SAFB2: variants seen among roughly 807,000 people sequenced by gnomAD.
SAFB2 encodes the protein scaffold attachment factor B2.
SAFB2 carries 32 observed loss-of-function variants against 100.6 expected under a neutral mutation model. That is an observed-to-expected ratio of 0.32 (90% CI 0.24 to 0.43). The LOEUF is 0.43. Among genes scored for constraint, SAFB2 ranks in the 20% least tolerant of loss-of-function variants. SAFB2 has a pLI of 1.00. For synonymous variants in SAFB2, 500 were observed against 439.4 expected, an observed-to-expected ratio of 1.14 and a Z score of -1.72; for missense variants, 1,185 against 1,163.4, an observed-to-expected ratio of 1.02 and a Z score of -0.27.
chr19:5,617,408 A>G (rs1482059663), intron 2 of SAFB2, among the ~76,000 whole-genome samples: 1 of 152,222 alleles, frequency 6.6e-6, no homozygotes, highest in Non-Finnish European at 1.5e-5. Context: ...TCAAGAGTGG[A>G]AACCTTGAGA....
intron 14 of SAFB2, among the ~76,000 whole-genome samples, chr19:5,594,888 A>G (rs576964322): frequency 1.4e-4 from 22 of 152,208 alleles, no homozygotes; most frequent in African/African-American, 5.3e-4. Flanking sequence ...TCACTCTGTC[A>G]CCCAGTCTGC....
chr19:5,609,742 C>T (rs907222965), intron 9 of SAFB2, among the ~76,000 whole-genome samples: 7 of 152,180 alleles, frequency 4.6e-5, no homozygotes, highest in African/African-American at 1.7e-4. Context: ...TGCTCCGCAC[C>T]CTAGTTACTG....
At chr19:5,588,339 G>A (rs934018363) in intron 18 of SAFB2, among the ~76,000 whole-genome samples, 4 of 152,190 alleles carry the variant, frequency 2.6e-5, no homozygotes, top group African/African-American at 9.6e-5. Context: ...CTGTGGAAAA[G>A]TTTGGTGGTT....
In SAFB2 at chr19:5,587,779, G is replaced by T. The variant is rs751884670; in HGVS notation, c.2639-12C>A. 4.5e-6 allele frequency: 7 copies of T among 1,553,478 alleles called. No individual in the cohort carries two copies. The highest frequency in any genetic ancestry group is 6.1e-6 in the Non-Finnish European group (7 of 1,148,296). Reference sequence around the variant, plus strand: ...GCCCCTCTCGCCACCTAGAAGAGAAGAAGGGTCTGCAAACACTCCGTTCCT... The same window carrying T: ...GCCCCTCTCGCCACCTAGAAGAGAATAAGGGTCTGCAAACACTCCGTTCCT... On this transcript the variant is annotated splice_polypyrimidine_tract_variant and intron_variant, in intron 19 of 20. Transcript: ENST00000252542. The surrounding 1 kb of genome is among the most constrained non-coding windows in gnomAD (Gnocchi z 4.9).
rs772407169 is a variant in SAFB2 at position 5,593,927 on chromosome 19, T to C, written c.2171A>G (p.Glu724Gly). Reference protein sequence around the residue: ...RQQEQLRYEQERRPGRRPYDL... With the variant: ...RQQEQLRYEQGRRPGRRPYDL... ...GTAGGGCCTCCGCCCGGGCCGCCGC[T>C]CCTGCTCGTAACGCAGCTGCTCCTG... The change falls in exon 15 of 21, where the codon GAG becomes GGG. Residue 724 changes from glutamate to glycine, a missense_variant. By Grantham distance (98) the Glu-to-Gly change is moderately conservative. Around this residue, in one of 3 missense-constraint regions of SAFB2, gnomAD observed 740 missense variants for 687.1 expected, o/e 1.08. Coordinates refer to ENST00000252542, the MANE Select transcript of SAFB2 (RefSeq NM_014649.3). 11 of 1,545,416 alleles carry C rather than the reference T, an allele frequency of 7.1e-6. No individual in the cohort carries two copies. The highest frequency in any genetic ancestry group is 1.2e-5 in the South Asian group (1 of 81,256).
chr19:5,616,253 T>A lies in SAFB2; in HGVS notation c.422A>T (p.Asn141Ile), dbSNP rs1234949359. 6.2e-7 allele frequency: 1 copy of A among 1,614,228 alleles called. No individual in the cohort carries two copies. The highest frequency in any genetic ancestry group is 1.1e-5 in the South Asian group (1 of 91,086). The change falls in exon 4 of 21, where the codon AAT becomes ATT. Residue 141 changes from asparagine to isoleucine, a missense_variant. By Grantham distance (149) the Asn-to-Ile change is moderately radical (BLOSUM62 -3). Coordinates refer to ENST00000252542, the MANE Select transcript of SAFB2 (RefSeq NM_014649.3). ...MSVLDETEVANSSAPDFGEDG... is the reference protein window; with the variant it reads ...MSVLDETEVAISSAPDFGEDG... Reference sequence around the variant, plus strand: ...CTCCCCAAAATCTGGAGCACTGCTATTCGCCACTTCAGTTTCGTCTAGCAC... The same window carrying A: ...CTCCCCAAAATCTGGAGCACTGCTAATCGCCACTTCAGTTTCGTCTAGCAC...
At chr19:5,607,924 G>A (rs548570197) in intron 9 of SAFB2, among the ~76,000 whole-genome samples, 2 of 152,342 alleles carry the variant, frequency 1.3e-5, no homozygotes, top group East Asian at 3.9e-4. Flanking sequence ...AGACTCTCCT[G>A]AGAGAAACAC....
chr19:5,607,556 ATCAGTC>A (rs2052803246), intron 9 of SAFB2, among the ~76,000 whole-genome samples: 1 of 152,244 alleles, frequency 6.6e-6, no homozygotes, highest in Admixed American at 6.5e-5. Context: ...CAAATAAGCC[ATCAGTC>A]ATAAAAAGGA....
intron 5 of SAFB2, among the ~76,000 whole-genome samples, chr19:5,613,135 A>G (rs78037008): frequency 9.0e-4 from 137 of 152,208 alleles, no homozygotes; most frequent in Non-Finnish European, 1.0e-3. Context: ...CATCAGAGAC[A>G]CCACCCAAAC....
At chr19:5,615,928 A>G (rs1302709414) in intron 4 of SAFB2, among the ~76,000 whole-genome samples, 2 of 152,082 alleles carry the variant, frequency 1.3e-5, no homozygotes, top group African/African-American at 4.8e-5. Flanking sequence ...TTATAAAAAC[A>G]CTCCCCAGTG....
intron 4 of SAFB2, among the ~76,000 whole-genome samples, chr19:5,615,733 C>T (rs2053013335): frequency 6.6e-6 from 1 of 152,144 alleles, no homozygotes; most frequent in Non-Finnish European, 1.5e-5. Flanking sequence ...CTTCTTAAAA[C>T]TGTATTTTAA....
intron 2 of SAFB2, among the ~76,000 whole-genome samples, chr19:5,619,388 T>A (rs1020687892): frequency 1.3e-5 from 2 of 152,236 alleles, no homozygotes; most frequent in African/African-American, 2.4e-5. Flanking sequence ...AAGTCCTTTT[T>A]ATAGCAACAG....
intron 9 of SAFB2, among the ~76,000 whole-genome samples, chr19:5,608,765 CTT>C (rs1236847988): frequency 2.0e-5 from 3 of 152,142 alleles, no homozygotes; most frequent in African/African-American, 7.2e-5. Flanking sequence ...CCAGAAGACT[CTT>C]GGCTAGGCGC....
Position 5,591,840 on chromosome 19 carries a change from A to G in SAFB2, c.2349-47T>C, listed in dbSNP as rs1568206621. 3 of 1,599,158 alleles carry G rather than the reference A, an allele frequency of 1.9e-6. No homozygotes were observed. In the East Asian group the frequency reaches 6.7e-5, roughly 36 times the overall value. On this transcript the variant is annotated intron_variant, in intron 16 of 20. Coordinates refer to ENST00000252542, the MANE Select transcript of SAFB2 (RefSeq NM_014649.3). ...TTCAAACAGCACCAGGCACGACTAC[A>G]CATTTCTGCAGGTCAGGCAAGTTTC... is the stretch of plus-strand genomic sequence containing the variant.
chr19:5,594,902 G>A (rs1470088378), intron 14 of SAFB2, among the ~76,000 whole-genome samples: 3 of 152,130 alleles, frequency 2.0e-5, no homozygotes, highest in Non-Finnish European at 4.4e-5. Context: ...AGTCTGCAGT[G>A]CACTGTTGTG....
At chr19:5,615,320 A>C (rs967385894) in intron 4 of SAFB2, among the ~76,000 whole-genome samples, 5 of 152,152 alleles carry the variant, frequency 3.3e-5, no homozygotes, top group Admixed American at 2.0e-4. Flanking sequence ...TTGCCACTGC[A>C]CTCCAGCCTG....
intron 12 of SAFB2, among the ~76,000 whole-genome samples, chr19:5,599,763 C>T (rs1237467950): frequency 1.2e-5 from 1 of 82,322 alleles, no homozygotes; most frequent in Non-Finnish European, 2.4e-5. Context: ...CCAGCTTTAA[C>T]ATAATGTGGG....
intron 14 of SAFB2, 33 bp from the exon 15 acceptor site, chr19:5,594,211 C>T: frequency 6.5e-7 from 1 of 1,526,878 alleles, no homozygotes; most frequent in Non-Finnish European, 8.7e-7. Flanking sequence ...CCTGAACTCC[C>T]TGCGTGAGCC....
At chr19:5,596,645 C>T (rs2052541973) in intron 13 of SAFB2, among the ~76,000 whole-genome samples, 1 of 152,162 alleles carries the variant, frequency 6.6e-6, no homozygotes, top group Non-Finnish European at 1.5e-5. Context: ...ACCCAGCCTA[C>T]ATTCATCATT....
Sources: allele counts gnomAD v4.1 joint callset (sites outside exome capture counted in the v4.1 genomes callset), GRCh38; gene constraint gnomAD v4.1.1; regional missense constraint gnomAD v4.1.1; non-coding constraint Gnocchi (gnomAD v3.1); transcripts MANE v1.5; gene names NCBI Gene and HGNC (gene_info 2026-07-23, HGNC 2026-07-21).